The following TBC1D22B variants were observed in gnomAD, a reference collection of about 807,000 sequenced individuals.
TBC1D22B encodes TBC1 domain family member 22B.
In TBC1D22B, 32 loss-of-function variants were observed where a neutral mutation model predicts 69.1. The observed-to-expected ratio is 0.46, with a 90% CI of 0.35 to 0.62. TBC1D22B has a LOEUF of 0.62. Ranked by LOEUF, TBC1D22B falls within the 20% of genes least tolerant of loss-of-function variation. TBC1D22B has a pLI of 0.00. For missense variants in TBC1D22B, 462 were observed against 630.9 expected, an observed-to-expected ratio of 0.73 and a Z score of 2.87; for synonymous variants, 206 against 229.8, an observed-to-expected ratio of 0.90 and a Z score of 0.94.
chr6:37,325,283 C>T (rs538939051), intron 12 of TBC1D22B, among the ~76,000 whole-genome samples: 1 of 152,264 alleles, frequency 6.6e-6, no homozygotes, highest in South Asian at 2.1e-4. Flanking sequence ...CCATTTCCAA[C>T]TGTTTTCTAC....
chr6:37,257,839 C>A lies in TBC1D22B; in HGVS notation c.-79C>A. On this transcript the variant is annotated 5_prime_UTR_variant, in exon 1 of 13. Coordinates refer to ENST00000373491, the MANE Select transcript of TBC1D22B (RefSeq NM_017772.4). Reference sequence around the variant, plus strand: ...GCGGCGGGGAAGCGGCCTGGGTTGGCCCTCAGATTGCGGGGTCTGGGGGCA... The same window carrying A: ...GCGGCGGGGAAGCGGCCTGGGTTGGACCTCAGATTGCGGGGTCTGGGGGCA... 2 of 1,519,234 alleles carry A rather than the reference C, an allele frequency of 1.3e-6. No homozygotes were observed. Among genetic ancestry groups the A allele is most frequent in the Non-Finnish European group, 1.8e-6 (2 of 1,117,398 alleles). The allele number at this position is 1,519,234 out of a possible 1,614,324, so 94.1% of individuals were successfully genotyped here.
At position 37,288,977 on chromosome 6, in the gene TBC1D22B, T is replaced by A. The variant is rs1042242655; in HGVS notation, c.867+1905T>A. On this transcript the variant is annotated intron_variant, in intron 7 of 12. Transcript: ENST00000373491. ...GATCATAGCTCACTGCAACCTCTAC[T>A]CCCCGGGCTCAAGCAGTCCTCCTGC... 1.6e-4 allele frequency among the ~76,000 whole-genome samples: 24 copies of A among 151,964 alleles called. 1 individual carries two copies. Among genetic ancestry groups the A allele is most frequent in the Admixed American group, 1.6e-3 (24 of 15,244 alleles).
chr6:37,319,194 C>T (rs553629853), intron 12 of TBC1D22B, among the ~76,000 whole-genome samples: 118 of 152,266 alleles, frequency 7.7e-4, no homozygotes, highest in African/African-American at 1.9e-3. Context: ...GCCATGGTGC[C>T]GAGGCTTCAG....
At chr6:37,269,956 A>C (rs555811538) in intron 2 of TBC1D22B, among the ~76,000 whole-genome samples, 2 of 152,346 alleles carry the variant, frequency 1.3e-5, no homozygotes, top group Admixed American at 1.3e-4. Context: ...CTGAAACCAG[A>C]ACATTGATGA....
Position 37,267,675 on chromosome 6 carries a change from C to T in TBC1D22B, c.57-1919C>T, listed in dbSNP as rs568815162. On this transcript the variant is annotated intron_variant, in intron 1 of 12. Coordinates refer to ENST00000373491, the MANE Select transcript of TBC1D22B (RefSeq NM_017772.4). ...TTCTTCAGACAGTACCTGTTGGCTC[C>T]CTACCATGAGTAATGATGAAATTAG... Among the ~76,000 whole-genome samples the T allele has an allele frequency of 6.3e-4, 95 of 151,138 alleles. No individual in the cohort carries two copies. In the Middle Eastern group the frequency reaches 0.01, roughly 16 times the overall value.
Position 37,313,804 on chromosome 6 carries a change from T to C in TBC1D22B, c.1090-12T>C. ...GAGTCCATGTTCATCCTGGGCTCTG[T>C]GTCATTTGCAGGATAACTACACCTT... On this transcript the variant is annotated splice_polypyrimidine_tract_variant and intron_variant, in intron 9 of 12. Coordinates refer to ENST00000373491, the MANE Select transcript of TBC1D22B (RefSeq NM_017772.4). The C allele has an allele frequency of 6.2e-7, 1 of 1,613,768 alleles. No homozygotes were observed. Among genetic ancestry groups the C allele is most frequent in the Non-Finnish European group, 8.5e-7 (1 of 1,179,638 alleles).
chr6:37,320,860 C>T (rs1163951603), intron 12 of TBC1D22B, among the ~76,000 whole-genome samples: 1 of 152,210 alleles, frequency 6.6e-6, no homozygotes, highest in East Asian at 1.9e-4. Flanking sequence ...ATCCTCCGGG[C>T]CCGTGGCAGC....
At chr6:37,286,683 C>G (rs555550741) in intron 6 of TBC1D22B, among the ~76,000 whole-genome samples, 240 of 152,000 alleles carry the variant, frequency 1.6e-3, no homozygotes, top group South Asian at 7.7e-3. Flanking sequence ...GTGGCTCACA[C>G]CTGCAATCCC....
rs993179150 is a variant in TBC1D22B at position 37,317,002 on chromosome 6, C to G, written c.1294-109C>G. 6.9e-6 allele frequency: 10 copies of G among 1,456,384 alleles called. No homozygotes were observed. In the Admixed American group the frequency reaches 1.2e-4, roughly 17 times the overall value. 90.2% of individuals were successfully genotyped at this position (1,456,384 alleles called of 1,614,324 possible). A position where few individuals can be genotyped will look rare whatever the true frequency, so the allele number is the denominator to read the frequency against. Reference sequence around the variant, plus strand: ...GCTAAGTCTCTTCAGAACTCCATCTCCCCAACCGTGAAAGAGTTTCCCACC... The same window carrying G: ...GCTAAGTCTCTTCAGAACTCCATCTGCCCAACCGTGAAAGAGTTTCCCACC... On this transcript the variant is annotated intron_variant, in intron 11 of 12. Coordinates refer to ENST00000373491, the MANE Select transcript of TBC1D22B (RefSeq NM_017772.4).
chr6:37,320,496 G>A (rs1317108844), intron 12 of TBC1D22B, among the ~76,000 whole-genome samples: 8 of 152,074 alleles, frequency 5.3e-5, no homozygotes, highest in East Asian at 1.9e-4. Context: ...ACTTCCTTTA[G>A]TGTATTCACG....
Position 37,279,631 on chromosome 6 carries a change from T to A in TBC1D22B, c.421+20T>A. ...ACTCTAGTAAGTCCTTCCTGCTCCC[T>A]TCATAGCCTCAGCCTTCTCAGCAGC... is the stretch of plus-strand genomic sequence containing the variant. On this transcript the variant is annotated intron_variant, in intron 3 of 12. Transcript: ENST00000373491. 6.3e-7 allele frequency: 1 copy of A among 1,583,770 alleles called. No individual in the cohort carries two copies. The highest frequency in any genetic ancestry group is 8.6e-7 in the Non-Finnish European group (1 of 1,165,108).
chr6:37,264,129 A>G (rs1277897206), intron 1 of TBC1D22B, among the ~76,000 whole-genome samples: 1 of 152,146 alleles, frequency 6.6e-6, no homozygotes, highest in African/African-American at 2.4e-5. Flanking sequence ...TAGAGTCAAA[A>G]TAAGTCATAT....
chr6:37,268,039 C>T (rs1766361386), intron 1 of TBC1D22B, among the ~76,000 whole-genome samples: 1 of 152,216 alleles, frequency 6.6e-6, no homozygotes, highest in South Asian at 2.1e-4. Context: ...GGGCTCTCCA[C>T]CAATCCTTTT....
chr6:37,311,291 G>A (rs1767904600), intron 8 of TBC1D22B, among the ~76,000 whole-genome samples: 1 of 148,148 alleles, frequency 6.8e-6, no homozygotes, highest in Non-Finnish European at 1.5e-5. Context: ...ATTTAAAAAT[G>A]TCTCTTTAAA....
intron 1 of TBC1D22B, among the ~76,000 whole-genome samples, chr6:37,269,381 A>G (rs1479552151): frequency 6.6e-6 from 1 of 152,178 alleles, no homozygotes; most frequent in Non-Finnish European, 1.5e-5. Context: ...ACAGGTGTGT[A>G]AGGCACTGAA....
At chr6:37,269,005 CTT>C (rs1491196079) in intron 1 of TBC1D22B, among the ~76,000 whole-genome samples, 2 of 152,126 alleles carry the variant, frequency 1.3e-5, no homozygotes, top group Non-Finnish European at 2.9e-5. Context: ...TTTGAATAGT[CTT>C]ATATATATCT....
At chr6:37,304,420 A>G (rs890335779) in intron 8 of TBC1D22B, among the ~76,000 whole-genome samples, 1 of 152,242 alleles carries the variant, frequency 6.6e-6, no homozygotes, top group Non-Finnish European at 1.5e-5. Flanking sequence ...ACAGATATCC[A>G]TACCACAGAG....
intron 2 of TBC1D22B, among the ~76,000 whole-genome samples, chr6:37,278,215 T>C (rs1399600390): frequency 6.6e-6 from 1 of 152,140 alleles, no homozygotes; most frequent in East Asian, 1.9e-4. Flanking sequence ...TGCTAGCAAA[T>C]ATATTGATTC....
At chr6:37,299,705 C>T (rs1156430868) in intron 8 of TBC1D22B, among the ~76,000 whole-genome samples, 2 of 152,062 alleles carry the variant, frequency 1.3e-5, no homozygotes, top group East Asian at 1.9e-4. Flanking sequence ...TTTCCTTCCC[C>T]ACCTCAAGAT....
Sources: allele counts gnomAD v4.1 joint callset (sites outside exome capture counted in the v4.1 genomes callset), GRCh38; gene constraint gnomAD v4.1.1; transcripts MANE v1.5; gene names NCBI Gene and HGNC (gene_info 2026-07-23, HGNC 2026-07-21).